The following PPHLN1 variants were observed in gnomAD, a reference collection of about 807,000 sequenced individuals.
PPHLN1 encodes periphilin 1.
A neutral mutation model predicts 51.3 loss-of-function variants in PPHLN1; 29 were observed. That is an observed-to-expected ratio of 0.57 (90% CI 0.42 to 0.77). The LOEUF (loss-of-function observed/expected upper bound fraction) is 0.77, where lower values mean the gene tolerates loss of function less well. PPHLN1 is among the 30% of genes least tolerant of loss of function. The pLI, the probability that PPHLN1 is intolerant of heterozygous loss-of-function variation, is 0.00. For synonymous variants in PPHLN1, 147 were observed against 147.8 expected (o/e 0.99, Z 0.04); for missense variants, 436 against 438.4 (o/e 0.99, Z 0.05).
chr12:42,447,372 A>T (rs978331375), downstream of PPHLN1: 20 of 152,104 alleles, frequency 1.3e-4, no homozygotes, highest in African/African-American at 4.3e-4. Context: ...GCTGCCTTTT[A>T]CGTTTTCTTG....
chr12:42,418,186 C>T (rs1441677442), intron 9 of PPHLN1, among the ~76,000 whole-genome samples: 3 of 146,636 alleles, frequency 2.0e-5, no homozygotes, highest in Admixed American at 6.9e-5. Context: ...TGATCTGCCC[C>T]GCCTCGACCA....
At chr12:42,353,434 G>A (rs1298347596) in intron 3 of PPHLN1, among the ~76,000 whole-genome samples, 1 of 152,126 alleles carries the variant, frequency 6.6e-6, no homozygotes, top group Non-Finnish European at 1.5e-5. Context: ...ACTTAGGATC[G>A]GTATGTATGG....
intron 2 of PPHLN1, chr12:42,350,388 C>A: frequency 6.2e-6 from 1 of 161,522 alleles, no homozygotes; most frequent in Non-Finnish European, 1.3e-5. Flanking sequence ...CAGAGGGGCT[C>A]CTCACATCCC....
intron 9 of PPHLN1, among the ~76,000 whole-genome samples, chr12:42,416,775 G>A (rs1057421988): frequency 6.6e-6 from 1 of 152,194 alleles, no homozygotes; most frequent in African/African-American, 2.4e-5. Flanking sequence ...AATTAAGGTA[G>A]TATGGAAAAG....
At chr12:42,365,551 T>C (rs2075179789) in intron 4 of PPHLN1, among the ~76,000 whole-genome samples, 1 of 152,202 alleles carries the variant, frequency 6.6e-6, no homozygotes, top group South Asian at 2.1e-4. Context: ...CCTTGGGGAT[T>C]TGTATTAACA....
At chr12:42,346,887 A>G (rs1223780871) in intron 2 of PPHLN1, among the ~76,000 whole-genome samples, 1 of 151,954 alleles carries the variant, frequency 6.6e-6, no homozygotes, top group African/African-American at 2.4e-5. Flanking sequence ...CCTTTTTTTA[A>G]AAAAATTATT....
At chr12:42,332,334 A>C (rs912037459) in intron 1 of PPHLN1, among the ~76,000 whole-genome samples, 1 of 152,218 alleles carries the variant, frequency 6.6e-6, no homozygotes, top group Non-Finnish European at 1.5e-5. Context: ...TTTTGAAGTC[A>C]TTGTTTACAA....
chr12:42,380,036 A>G (rs1340079750), intron 5 of PPHLN1, among the ~76,000 whole-genome samples: 1 of 152,086 alleles, frequency 6.6e-6, no homozygotes, highest in Admixed American at 6.5e-5. Flanking sequence ...ATCTCAAGGA[A>G]GACCCTGTCA....
At chr12:42,401,322 C>T (rs2078825824) in intron 9 of PPHLN1, among the ~76,000 whole-genome samples, 1 of 152,124 alleles carries the variant, frequency 6.6e-6, no homozygotes, top group Admixed American at 6.5e-5. Flanking sequence ...GAGAAAAGAA[C>T]AAGTACCATG....
chr12:42,350,911 C>G (rs1034730102), intron 2 of PPHLN1, among the ~76,000 whole-genome samples: 20 of 151,694 alleles, frequency 1.3e-4, no homozygotes, highest in Non-Finnish European at 2.5e-4. Context: ...GCCGAGATCG[C>G]GGCAGTACAG....
In PPHLN1 at chr12:42,399,007, T is replaced by G. The variant is rs200627065; in HGVS notation, c.909+13T>G. ...AGAGATTGAACAGGTGAGAGTCTAGTTGTCTTCATGTACATAATTTTTGTT... is the reference window on the plus strand; with the variant it reads ...AGAGATTGAACAGGTGAGAGTCTAGGTGTCTTCATGTACATAATTTTTGTT... On this transcript the variant is annotated intron_variant, in intron 9 of 9. Coordinates refer to ENST00000358314, the MANE Select transcript of PPHLN1 (RefSeq NM_201439.2). The G allele has an allele frequency of 1.2e-6, 2 of 1,611,736 alleles. No individual in the cohort carries two copies. Among genetic ancestry groups the G allele is most frequent in the East Asian group, 2.2e-5 (1 of 44,850 alleles).
At chr12:42,374,825 T>C in intron 4 of PPHLN1, 38 bp from the exon 5 acceptor site, 4 of 1,478,892 alleles carry the variant, frequency 2.7e-6, no homozygotes, top group Non-Finnish European at 3.7e-6. Flanking sequence ...GAGGATAGAG[T>C]ATAATTAACT....
chr12:42,434,112 G>A (rs1306060751), intron 9 of PPHLN1, among the ~76,000 whole-genome samples: 1 of 152,142 alleles, frequency 6.6e-6, no homozygotes, highest in Non-Finnish European at 1.5e-5. Flanking sequence ...CTGTTCCTGA[G>A]TTGTATCCTT....
At chr12:42,349,450 C>T (rs143213325) in intron 2 of PPHLN1, among the ~76,000 whole-genome samples, 3 of 151,120 alleles carry the variant, frequency 2.0e-5, no homozygotes, top group African/African-American at 2.4e-5. Flanking sequence ...GGGTGTTTCT[C>T]GGAGAGGGGG....
chr12:42,446,396 G>C, downstream of PPHLN1: 5 of 1,440,242 alleles, frequency 3.5e-6, no homozygotes, highest in Non-Finnish European at 4.6e-6. Flanking sequence ...TCCCTTCCCA[G>C]CGTCTAGCAG....
At chr12:42,342,229 GCATTCATT>G (rs140038754) in intron 2 of PPHLN1, among the ~76,000 whole-genome samples, 17 of 151,828 alleles carry the variant, frequency 1.1e-4, no homozygotes, top group Middle Eastern at 3.4e-3. Context: ...TGACAGAATG[GCATTCATT>G]CATTCATTCA....
At chr12:42,426,631 A>T (rs2081525142) in intron 9 of PPHLN1, among the ~76,000 whole-genome samples, 1 of 152,220 alleles carries the variant, frequency 6.6e-6, no homozygotes, top group African/African-American at 2.4e-5. Context: ...AGGAATTTTT[A>T]AATGTCATTA....
chr12:42,348,490 C>CT (rs1288239676), intron 2 of PPHLN1, among the ~76,000 whole-genome samples: 2 of 152,036 alleles, frequency 1.3e-5, no homozygotes, highest in African/African-American at 2.4e-5. Flanking sequence ...AAATAAGTAA[C>CT]TAAGTGTGAT....
At chr12:42,390,389 A>T (rs2077581940) in intron 7 of PPHLN1, among the ~76,000 whole-genome samples, 1 of 152,232 alleles carries the variant, frequency 6.6e-6, no homozygotes, top group Admixed American at 6.5e-5. Context: ...AAAGAAGAGT[A>T]AATAGTACCT....
Sources: allele counts gnomAD v4.1 joint callset (sites outside exome capture counted in the v4.1 genomes callset), GRCh38; gene constraint gnomAD v4.1.1; transcripts MANE v1.5; gene names NCBI Gene and HGNC (gene_info 2026-07-23, HGNC 2026-07-21).